Variants in MKLN1 observed in about 807,000 individuals in gnomAD.
MKLN1 encodes muskelin.
MKLN1 carries 18 observed loss-of-function variants against 99.0 expected under a neutral mutation model. The observed-to-expected ratio is 0.18, with a 90% CI of 0.13 to 0.27. The LOEUF is 0.27. MKLN1 is among the 10% of genes least tolerant of loss of function. The pLI, the probability that MKLN1 is intolerant of heterozygous loss-of-function variation, is 1.00. For missense variants in MKLN1, 621 were observed against 875.9 expected, an observed-to-expected ratio of 0.71 and a Z score of 3.67; for synonymous variants, 288 against 293.2, an observed-to-expected ratio of 0.98 and a Z score of 0.18.
chr7:131,167,173 A>C (rs1030472274), intron 2 of MKLN1, among the ~76,000 whole-genome samples: 10 of 152,142 alleles, frequency 6.6e-5, no homozygotes, highest in African/African-American at 2.4e-4. Flanking sequence ...AAAAAAATTA[A>C]TGAAATGATC....
chr7:131,449,972 C>CT (rs1484458258), intron 12 of MKLN1, among the ~76,000 whole-genome samples: 1 of 152,144 alleles, frequency 6.6e-6, no homozygotes, highest in Non-Finnish European at 1.5e-5. Context: ...ACTGGTGTTA[C>CT]TGTTGGGTGC....
At chr7:131,452,159 A>T (rs1418103688) in intron 12 of MKLN1, among the ~76,000 whole-genome samples, 2 of 152,218 alleles carry the variant, frequency 1.3e-5, no homozygotes, top group Non-Finnish European at 2.9e-5. Flanking sequence ...CAAATTGAGA[A>T]TCAGAAGACT....
chr7:131,259,311 T>G (rs1450998107), intron 3 of MKLN1, among the ~76,000 whole-genome samples: 1 of 152,134 alleles, frequency 6.6e-6, no homozygotes, highest in Admixed American at 6.5e-5. Flanking sequence ...CCCTCTTTCT[T>G]GCATAAGCCC....
intron 4 of MKLN1, among the ~76,000 whole-genome samples, chr7:131,391,580 A>G (rs1794198187): frequency 6.6e-6 from 1 of 152,218 alleles, no homozygotes; most frequent in Non-Finnish European, 1.5e-5. Context: ...AACTTTTAAG[A>G]TCTGTTGTGG....
chr7:131,129,483 G>A (rs989429405), intron 1 of MKLN1, among the ~76,000 whole-genome samples: 1 of 152,158 alleles, frequency 6.6e-6, no homozygotes, highest in African/African-American at 2.4e-5. Context: ...AAGAATTATT[G>A]CATAAATTTT....
intron 9 of MKLN1, among the ~76,000 whole-genome samples, chr7:131,430,345 A>T (rs988458462): frequency 3.3e-5 from 5 of 151,946 alleles, no homozygotes; most frequent in Non-Finnish European, 7.4e-5. Flanking sequence ...TGAAATTCTG[A>T]TTTACTTTTC....
At chr7:131,417,446 C>A (rs10215850) in intron 8 of MKLN1, among the ~76,000 whole-genome samples, 2,455 of 152,212 alleles carry the variant, frequency 0.016, 46 homozygotes, top group African/African-American at 0.054. Context: ...TAAAAGAAAT[C>A]ATGGGTGGTC....
At chr7:131,222,375 G>A (rs963046047) in intron 3 of MKLN1, among the ~76,000 whole-genome samples, 3 of 152,138 alleles carry the variant, frequency 2.0e-5, no homozygotes, top group Non-Finnish European at 4.4e-5. Context: ...GTGTCCCCAC[G>A]TGGTGGAAGA....
At chr7:131,268,421 A>G (rs1299849167) in intron 3 of MKLN1, among the ~76,000 whole-genome samples, 2 of 152,238 alleles carry the variant, frequency 1.3e-5, no homozygotes, top group East Asian at 1.9e-4. Flanking sequence ...CCAAATTTCA[A>G]TGGTTTGACC....
chr7:131,227,495 CTCTTTCTTTCTT>C (rs369374338), intron 3 of MKLN1, among the ~76,000 whole-genome samples: 160 of 115,786 alleles, frequency 1.4e-3, no homozygotes, highest in Admixed American at 3.9e-3. Flanking sequence ...CTCTTTCTTT[CTCTTTCTTTCTT>C]TCTTTCTTTC....
intron 3 of MKLN1, among the ~76,000 whole-genome samples, chr7:131,285,605 G>C (rs1023917731): frequency 9.2e-5 from 14 of 152,188 alleles, no homozygotes. Context: ...TAGGGAAGAA[G>C]TCAGCATTCT....
chr7:131,135,738 G>A (rs932551487), intron 1 of MKLN1, among the ~76,000 whole-genome samples: 8 of 152,148 alleles, frequency 5.3e-5, no homozygotes, highest in East Asian at 1.9e-4. Flanking sequence ...GAGCTTCATC[G>A]GTGTGTTTTC....
intron 2 of MKLN1, among the ~76,000 whole-genome samples, chr7:131,183,263 A>G (rs1796400731): frequency 6.6e-6 from 1 of 152,172 alleles, no homozygotes; most frequent in Admixed American, 6.6e-5. Context: ...GATCCTCCCA[A>G]CAACCGGTAA....
intron 2 of MKLN1, among the ~76,000 whole-genome samples, chr7:131,180,890 T>C (rs887218295): frequency 5.9e-5 from 9 of 152,202 alleles, no homozygotes; most frequent in Non-Finnish European, 1.2e-4. Flanking sequence ...AAATATTTAT[T>C]AAAATATACA....
At chr7:131,284,044 G>T (rs1325923798) in intron 3 of MKLN1, among the ~76,000 whole-genome samples, 1 of 152,150 alleles carries the variant, frequency 6.6e-6, no homozygotes, top group Non-Finnish European at 1.5e-5. Context: ...GTGGATATTT[G>T]TTATGGCCAG....
chr7:131,129,770 C>T (rs1345864229), intron 1 of MKLN1, among the ~76,000 whole-genome samples: 2 of 152,198 alleles, frequency 1.3e-5, no homozygotes, highest in Middle Eastern at 3.4e-3. Context: ...GAGACGAGGT[C>T]TTGCTATGTT....
In MKLN1 at chr7:131,463,430, A is replaced by G. The variant is rs1454477916; in HGVS notation, c.1673+66A>G. On this transcript the variant is annotated intron_variant, in intron 13 of 17. Transcript: ENST00000352689. ...TTATTTGAGGTTGTTGGTTTATTCA[A>G]AAAAGAGAGAAATGAGAGTATTACG... 6 of 1,473,446 alleles carry G rather than the reference A, an allele frequency of 4.1e-6. No homozygotes were observed. In the East Asian group the frequency reaches 1.4e-4, roughly 34 times the overall value. The allele number at this position is 1,473,446 out of a possible 1,614,324, so 91.3% of individuals were successfully genotyped here.
rs181649283 is a variant in MKLN1, at chr7:131,253,275, G to C, written c.-179+50301G>C. Among the ~76,000 whole-genome samples the C allele has an allele frequency of 6.8e-4, 104 of 152,174 alleles. 2 individuals are homozygous for C. The East Asian group carries it at 0.018, about 27-fold the overall frequency. ...GTGTGATGGAAGCTCCAATCTGAGG[G>C]GGTGTTGGAAAAACAGAGCTCCCTC... On this transcript the variant is annotated intron_variant, in intron 3 of 7. Transcript: ENST00000416992.
At chr7:131,116,758 G>T (rs989187613) in intron 1 of MKLN1, among the ~76,000 whole-genome samples, 1 of 152,000 alleles carries the variant, frequency 6.6e-6, no homozygotes, top group South Asian at 2.1e-4. Flanking sequence ...AAATACAATG[G>T]ATCTTAAAAT....
Sources: allele counts gnomAD v4.1 joint callset (sites outside exome capture counted in the v4.1 genomes callset), GRCh38; gene constraint gnomAD v4.1.1; transcripts MANE v1.5; gene names NCBI Gene and HGNC (gene_info 2026-07-23, HGNC 2026-07-21).